CHRNA7: variants seen among roughly 807,000 people sequenced by gnomAD.
The protein encoded by CHRNA7 is cholinergic receptor nicotinic alpha 7 subunit.
A neutral mutation model predicts 48.0 loss-of-function variants in CHRNA7; 17 were observed. The observed-to-expected ratio is 0.35, with a 90% CI of 0.24 to 0.53. The LOEUF is 0.53. CHRNA7 is among the 20% of genes least tolerant of loss of function. The pLI, the probability that CHRNA7 is intolerant of heterozygous loss-of-function variation, is 0.92. For missense variants in CHRNA7, 155 were observed against 577.7 expected, an observed-to-expected ratio of 0.27 and a Z score of 7.50; for synonymous variants, 75 against 242.3, an observed-to-expected ratio of 0.31 and a Z score of 6.41.
At chr15:32,095,213 A>G (rs368512558) in intron 2 of CHRNA7, among the ~76,000 whole-genome samples, 1 of 152,196 alleles carries the variant, frequency 6.6e-6, no homozygotes, top group East Asian at 1.9e-4. Context: ...CTGTATCCCG[A>G]GAGGGCCAGG....
At chr15:32,148,439 T>C (rs2051539146) in intron 4 of CHRNA7, among the ~76,000 whole-genome samples, 1 of 152,070 alleles carries the variant, frequency 6.6e-6, no homozygotes, top group Admixed American at 6.5e-5. Context: ...GCCGTAGAGG[T>C]CAATGCTACA....
intron 2 of CHRNA7, among the ~76,000 whole-genome samples, chr15:32,036,355 C>T (rs1243159640): frequency 6.6e-6 from 1 of 152,196 alleles, no homozygotes; most frequent in Non-Finnish European, 1.5e-5. Context: ...TCTTGGTTGC[C>T]TCCAAGTTTT....
intron 1 of CHRNA7, 22 bp from the exon 2 acceptor site, chr15:32,030,876 G>A (rs759938213): frequency 6.2e-7 from 1 of 1,611,908 alleles, no homozygotes; most frequent in Non-Finnish European, 8.5e-7. Context: ...TGAGCCCCCT[G>A]CCCGGGTCTT....
At chr15:32,031,296 C>T (rs77344797) in intron 2 of CHRNA7, among the ~76,000 whole-genome samples, 2 of 152,186 alleles carry the variant, frequency 1.3e-5, no homozygotes, top group South Asian at 4.1e-4. Flanking sequence ...TTACTTGGGT[C>T]CCACCTTTCT....
intron 2 of CHRNA7, among the ~76,000 whole-genome samples, chr15:32,074,357 A>G (rs1438634948): frequency 6.9e-6 from 1 of 145,918 alleles, no homozygotes; most frequent in Non-Finnish European, 1.5e-5. Flanking sequence ...AGTATAACAT[A>G]ACATAACATA....
intron 2 of CHRNA7, among the ~76,000 whole-genome samples, chr15:32,058,620 A>G (rs564898702): frequency 6.6e-6 from 1 of 152,298 alleles, no homozygotes; most frequent in South Asian, 2.1e-4. Context: ...AGGATACATA[A>G]TGTGGCATTG....
intron 4 of CHRNA7, among the ~76,000 whole-genome samples, chr15:32,124,514 A>G (rs1382882495): frequency 6.6e-6 from 1 of 152,266 alleles, no homozygotes; most frequent in African/African-American, 2.4e-5. Context: ...AAAGATTTGT[A>G]TCTAACAAAT....
At chr15:32,116,642 C>T (rs1026995169) in intron 4 of CHRNA7, among the ~76,000 whole-genome samples, 11 of 152,214 alleles carry the variant, frequency 7.2e-5, no homozygotes, top group African/African-American at 2.7e-4. Context: ...GATCAGCAGT[C>T]CGCTTGCAGA....
intron 4 of CHRNA7, among the ~76,000 whole-genome samples, chr15:32,118,979 C>T (rs2050919381): frequency 9.4e-6 from 1 of 106,872 alleles, no homozygotes; most frequent in Non-Finnish European, 2.1e-5. Context: ...TTGTGAAAGA[C>T]TTCGAAATGC....
chr15:32,076,954 T>C (rs374515341), intron 2 of CHRNA7, among the ~76,000 whole-genome samples: 69 of 152,278 alleles, frequency 4.5e-4, no homozygotes, highest in African/African-American at 1.6e-3. Flanking sequence ...CACCCAACTC[T>C]TGAAAACCCT....
chr15:32,049,469 C>T (rs2049622854), intron 2 of CHRNA7, among the ~76,000 whole-genome samples: 1 of 151,992 alleles, frequency 6.6e-6, no homozygotes, highest in African/African-American at 2.4e-5. Context: ...GGATTGCAAC[C>T]CCTGCCCTTT....
At chr15:32,048,067 G>A (rs942570391) in intron 2 of CHRNA7, among the ~76,000 whole-genome samples, 5 of 152,140 alleles carry the variant, frequency 3.3e-5, no homozygotes, top group African/African-American at 9.7e-5. Flanking sequence ...GCTGGATTCC[G>A]TTTGCCAGTA....
chr15:32,104,498 G>A (rs768714414), intron 3 of CHRNA7, among the ~76,000 whole-genome samples: 6 of 152,092 alleles, frequency 3.9e-5, no homozygotes, highest in Non-Finnish European at 7.3e-5. Context: ...TTCTCACCAT[G>A]TAACCCGCTT....
At chr15:32,061,366 G>A (rs2049875601) in intron 2 of CHRNA7, among the ~76,000 whole-genome samples, 1 of 152,122 alleles carries the variant, frequency 6.6e-6, no homozygotes, top group Admixed American at 6.5e-5. Context: ...TTCAAATGGA[G>A]GTGTCCATAA....
At position 32,095,436 on chromosome 15, in the gene CHRNA7, G is replaced by C. The variant is rs576687804; in HGVS notation, c.196-5867G>C. On this transcript the variant is annotated intron_variant, in intron 2 of 9. Coordinates refer to ENST00000306901, the MANE Select transcript of CHRNA7 (RefSeq NM_000746.6). Reference sequence around the variant, plus strand: ...TCAGTAATTCACTTAATATAATAAGGCCATTCCATAAATAGCAAGATGTTA... The same window carrying C: ...TCAGTAATTCACTTAATATAATAAGCCCATTCCATAAATAGCAAGATGTTA... 1.3e-3 allele frequency among the ~76,000 whole-genome samples: 195 copies of C among 152,182 alleles called. 1 individual carries two copies. Among genetic ancestry groups the C allele is most frequent in the Non-Finnish European group, 2.4e-3 (161 of 67,994 alleles).
At chr15:32,165,189 G>C in intron 9 of CHRNA7, among the ~76,000 whole-genome samples, 1 of 59,082 alleles carries the variant, frequency 1.7e-5, no homozygotes, top group East Asian at 3.9e-4. Context: ...TTGTTGGTTT[G>C]CTGCTCTTTC....
rs1901807707 is a variant in CHRNA7, at chr15:32,031,014, A to G, written c.172A>G (p.Ser58Gly). The change falls in exon 2 of 10, where the codon AGC becomes GGC. Residue 58 changes from serine to glycine, a missense_variant. Physicochemically the swap from Ser to Gly is moderately conservative, Grantham distance 56. Transcript: ENST00000306901. ...SQPLTVYFSL[S>G]LLQIMDVDEK... is the part of the protein sequence containing the mutation. ...ACCACTCACCGTCTACTTCTCCCTG[A>G]GCCTCCTGCAGATCATGGACGTGGT... 2 of 1,614,146 alleles carry G rather than the reference A, an allele frequency of 1.2e-6. No individual in the cohort carries two copies. The highest frequency in any genetic ancestry group is 1.7e-6 in the Non-Finnish European group (2 of 1,180,010).
intron 3 of CHRNA7, among the ~76,000 whole-genome samples, chr15:32,106,991 C>A (rs1385022552): frequency 6.6e-6 from 1 of 152,196 alleles, no homozygotes; most frequent in Non-Finnish European, 1.5e-5. Flanking sequence ...GATGGCATCT[C>A]AAGGTGAAGA....
At chr15:32,076,046 T>G (rs1214059170) in intron 2 of CHRNA7, among the ~76,000 whole-genome samples, 1 of 152,202 alleles carries the variant, frequency 6.6e-6, no homozygotes, top group African/African-American at 2.4e-5. Context: ...TACTTTGTGT[T>G]ATTTCAGTTA....
Sources: gnomAD v4.1 joint callset for allele counts (sites outside exome capture counted in the v4.1 genomes callset) on GRCh38, gnomAD v4.1.1 for gene constraint, MANE v1.5 for transcripts, NCBI Gene and HGNC (gene_info 2026-07-23, HGNC 2026-07-21) for gene names.